Variants in UBE2E3 observed in about 807,000 individuals in gnomAD.
UBE2E3 encodes the protein ubiquitin-conjugating enzyme E2 E3.
UBE2E3 carries 5 observed loss-of-function variants against 23.6 expected under a neutral mutation model. The observed-to-expected ratio is 0.21, with a 90% CI of 0.11 to 0.44. The LOEUF is 0.44. UBE2E3 is among the 20% of genes least tolerant of loss of function. The pLI, the probability that UBE2E3 is intolerant of heterozygous loss-of-function variation, is 0.99. For synonymous variants in UBE2E3, 78 were observed against 87.5 expected, an observed-to-expected ratio of 0.89 and a Z score of 0.60; for missense variants, 81 against 249.8, an observed-to-expected ratio of 0.32 and a Z score of 4.55.
At chr2:181,021,782 G>C (rs893196587) in intron 3 of UBE2E3, among the ~76,000 whole-genome samples, 1 of 151,348 alleles carries the variant, frequency 6.6e-6, no homozygotes, top group Admixed American at 6.6e-5. Context: ...TAATACTTTT[G>C]CAGACTAGCT....
At chr2:181,051,299 T>C (rs1331912198) in intron 3 of UBE2E3, among the ~76,000 whole-genome samples, 1 of 151,872 alleles carries the variant, frequency 6.6e-6, no homozygotes, top group African/African-American at 2.4e-5. Flanking sequence ...TGTATAATTA[T>C]CTATTTCCTT....
rs1342436699 is a variant in UBE2E3 at position 181,002,696 on chromosome 2, TGTA to T, written c.245+18606_245+18608del. Among the ~76,000 whole-genome samples the T allele has an allele frequency of 2.6e-5, 4 of 152,230 alleles. No individual in the cohort carries two copies. In the South Asian group the frequency reaches 8.3e-4, roughly 31 times the overall value. ...ATTTTTTTGTACAGTGTTTTTGAAA[TGTA>T]GTGTTAAAATATACACCACCTTTTA... On this transcript the variant is annotated intron_variant, in intron 3 of 5. Transcript: ENST00000410062.
At chr2:181,008,381 T>A (rs1685215091) in intron 3 of UBE2E3, among the ~76,000 whole-genome samples, 1 of 152,182 alleles carries the variant, frequency 6.6e-6, no homozygotes, top group Admixed American at 6.5e-5. Flanking sequence ...ATCACATGGT[T>A]GGTAAAAGGT....
intron 3 of UBE2E3, among the ~76,000 whole-genome samples, chr2:181,011,958 G>A (rs1685342979): frequency 6.6e-6 from 1 of 152,130 alleles, no homozygotes; most frequent in African/African-American, 2.4e-5. Context: ...ACTCCATAGA[G>A]TGTATCATAT....
chr2:181,043,986 A>G (rs1232076543), intron 3 of UBE2E3, among the ~76,000 whole-genome samples: 1 of 152,140 alleles, frequency 6.6e-6, no homozygotes, highest in East Asian at 1.9e-4. Flanking sequence ...TTTTACAAAA[A>G]CTTTTATTCA....
At chr2:180,998,156 T>C (rs910872583) in intron 3 of UBE2E3, among the ~76,000 whole-genome samples, 6 of 152,158 alleles carry the variant, frequency 3.9e-5, no homozygotes, top group Admixed American at 3.3e-4. Context: ...TTACATCTAT[T>C]GTCTTGACAA....
chr2:180,987,294 T>C lies in UBE2E3; in HGVS notation c.245+3201T>C, dbSNP rs929200412. 1.1e-5 allele frequency: 17 copies of C among 1,543,830 alleles called. No individual in the cohort carries two copies. In the Admixed American group the frequency reaches 2.0e-4, roughly 18 times the overall value. On this transcript the variant is annotated intron_variant, in intron 3 of 5. Transcript: ENST00000410062. ...TTGAGAATTGTTGACTAGAATTGTT[T>C]AGTGATGTGTTATTAAGACATTTAC...
At chr2:181,042,819 T>G (rs113483657) in intron 3 of UBE2E3, among the ~76,000 whole-genome samples, 42 of 152,326 alleles carry the variant, frequency 2.8e-4, no homozygotes, top group African/African-American at 9.4e-4. Context: ...GCTGTCAGCT[T>G]CACTATAACC....
rs566108336 is a variant in UBE2E3 at position 181,044,962 on chromosome 2, A to G, written c.246-12731A>G. ...TTTCTAAATGTTAGAATTTAAAGTC[A>G]GAGAACTTACTAAGTGTTTACATAG... On this transcript the variant is annotated intron_variant, in intron 3 of 5. Transcript: ENST00000410062. Among the ~76,000 whole-genome samples, 15 of 152,318 alleles carry G rather than the reference A, an allele frequency of 9.8e-5. 1 individual carries two copies. The highest frequency in any genetic ancestry group is 6.2e-4 in the South Asian group (3 of 4,834).
Position 181,025,476 on chromosome 2 carries a change from C to T in UBE2E3, c.246-32217C>T, listed in dbSNP as rs183426176. On this transcript the variant is annotated intron_variant, in intron 3 of 5. Coordinates refer to ENST00000410062, the MANE Select transcript of UBE2E3 (RefSeq NM_006357.4). ...AAGAGAACTTTGATACTTCCTTTTC[C>T]TCTTTATTGTGTATACAGGTATATT... 3.5e-3 allele frequency among the ~76,000 whole-genome samples: 433 copies of T among 122,724 alleles called. 7 individuals are homozygous for T. Among genetic ancestry groups the T allele is most frequent in the South Asian group, 1.3e-3 (4 of 3,146 alleles). The allele number at this position is 122,724 out of a possible 152,430, so 80.5% of individuals were successfully genotyped here.
intron 3 of UBE2E3, among the ~76,000 whole-genome samples, chr2:181,051,055 G>A (rs113073959): frequency 6.6e-4 from 100 of 151,586 alleles, no homozygotes; most frequent in Middle Eastern, 3.4e-3. Flanking sequence ...TTTTCCTTCC[G>A]GCCCAGAGGC....
intron 3 of UBE2E3, among the ~76,000 whole-genome samples, chr2:180,996,493 G>A (rs1684823352): frequency 6.6e-6 from 1 of 152,120 alleles, no homozygotes; most frequent in Non-Finnish European, 1.5e-5. Flanking sequence ...TATACAAGAA[G>A]CATCCTCCTT....
At chr2:181,028,276 T>C (rs1290898178) in intron 3 of UBE2E3, among the ~76,000 whole-genome samples, 1 of 152,124 alleles carries the variant, frequency 6.6e-6, no homozygotes, top group Non-Finnish European at 1.5e-5. Flanking sequence ...TACGATTTTA[T>C]TACGTGGATA....
At chr2:181,053,515 C>T (rs1339975895) in intron 3 of UBE2E3, among the ~76,000 whole-genome samples, 5 of 151,632 alleles carry the variant, frequency 3.3e-5, no homozygotes, top group African/African-American at 1.2e-4. Flanking sequence ...TTTGCTTGTT[C>T]TAAAATTTAT....
chr2:181,021,626 CCCTTTTTTCCTTCCTTCCTTCCTTCCTT>C (rs1685698014), intron 3 of UBE2E3, among the ~76,000 whole-genome samples: 1 of 13,060 alleles, frequency 7.7e-5, no homozygotes, highest in Admixed American at 1.0e-3. Flanking sequence ...CTCTCTCCCT[CCCTTTTTTCCTTCCTTCCTTCCTTCCTT>C]CCTTCCTTCC....
intron 3 of UBE2E3, among the ~76,000 whole-genome samples, chr2:180,999,502 G>A (rs1684931269): frequency 6.6e-6 from 1 of 152,120 alleles, no homozygotes; most frequent in African/African-American, 2.4e-5. Context: ...TCTTTGTGAG[G>A]AAACATTGAA....
intron 3 of UBE2E3, among the ~76,000 whole-genome samples, chr2:181,024,698 T>C (rs766249995): frequency 7.9e-5 from 12 of 152,102 alleles, no homozygotes; most frequent in Admixed American, 1.3e-4. Flanking sequence ...TGACTACTTA[T>C]ATGCTCATCA....
intron 3 of UBE2E3, among the ~76,000 whole-genome samples, chr2:180,998,421 G>T (rs1354279231): frequency 6.6e-6 from 1 of 151,230 alleles, no homozygotes; most frequent in Non-Finnish European, 1.5e-5. Flanking sequence ...TCTGTTTCTG[G>T]TACTGAGGCT....
intron 3 of UBE2E3, among the ~76,000 whole-genome samples, chr2:180,999,717 G>A (rs1574168003): frequency 1.3e-5 from 2 of 152,082 alleles, no homozygotes; most frequent in South Asian, 4.1e-4. Flanking sequence ...CAGATAAAGG[G>A]CTTTGGACTT....
Sources: allele counts gnomAD v4.1 joint callset (sites outside exome capture counted in the v4.1 genomes callset), GRCh38; gene constraint gnomAD v4.1.1; transcripts MANE v1.5; gene names NCBI Gene and HGNC (gene_info 2026-07-23, HGNC 2026-07-21).